GTSE1: variants seen among roughly 807,000 people sequenced by gnomAD.
GTSE1 encodes the protein G2 and S-phase expressed 1.
GTSE1 carries 52 observed loss-of-function variants against 60.5 expected under a neutral mutation model. The observed-to-expected ratio is 0.86, with a 90% CI of 0.69 to 1.08. The LOEUF (loss-of-function observed/expected upper bound fraction) is 1.08. Among genes scored for constraint, GTSE1 ranks in the 50% least tolerant of loss-of-function variants. The pLI is 0.00. For synonymous variants in GTSE1, 368 were observed against 386.5 expected (o/e 0.95, Z 0.56); for missense variants, 937 against 961.8 (o/e 0.97, Z 0.34).
intron 6 of GTSE1, among the ~76,000 whole-genome samples, chr22:46,315,662 TC>T (rs2077774786): frequency 6.6e-6 from 1 of 152,244 alleles, no homozygotes; most frequent in African/African-American, 2.4e-5. Context: ...GCGTCTTTTT[TC>T]CTTGTTCCCT....
In GTSE1 at chr22:46,314,819, T is replaced by G. The variant is rs2077769330; in HGVS notation, c.1051+806T>G. ...TGAACGCGGGAGGCAGAGGTTACCA[T>G]GAGCCGAGATTGCATCACTGCACTC... On this transcript the variant is annotated intron_variant, in intron 6 of 11. Transcript: ENST00000454366. The surrounding 1 kb of genome is among the most constrained non-coding windows in gnomAD (Gnocchi z 7.1). 6.9e-6 allele frequency among the ~76,000 whole-genome samples: 1 copy of G among 145,764 alleles called. No homozygotes were observed. Among genetic ancestry groups the G allele is most frequent in the African/African-American group, 2.6e-5 (1 of 38,676 alleles).
rs1245767522 is a variant in GTSE1 at position 46,316,809 on chromosome 22, A to G, written c.1432+397A>G. 4.6e-5 allele frequency among the ~76,000 whole-genome samples: 7 copies of G among 151,966 alleles called. No homozygotes were observed. The East Asian group carries it at 5.8e-4, about 13-fold the overall frequency. ...AACGTTGGCCATTATTTCTTCAGCT[A>G]TCTTTTCCTCTTTCCACTTTATTTC... On this transcript the variant is annotated intron_variant, in intron 7 of 11. Transcript: ENST00000454366. This position sits in a 1 kb window ranked among gnomAD's most constrained non-coding sequence, Gnocchi z 5.0.
Position 46,308,947 on chromosome 22 carries a change from A to G in GTSE1, c.762+4A>G. 1 of 1,606,102 alleles carries G rather than the reference A, an allele frequency of 6.2e-7. No homozygotes were observed. The highest frequency in any genetic ancestry group is 8.5e-7 in the Non-Finnish European group (1 of 1,175,614). ...CATCCCTGGGGCTGCGGAGAAGGTA[A>G]ATGCCACAGCAGAGCGCCTGCCTGG... On this transcript the variant is annotated splice_donor_region_variant and intron_variant, in intron 4 of 11. Coordinates refer to ENST00000454366, the MANE Select transcript of GTSE1 (RefSeq NM_016426.7).
At position 46,330,431 on chromosome 22, in the gene GTSE1, T is replaced by C; in HGVS notation, c.*301T>C. 3.7e-6 allele frequency: 1 copy of C among 271,044 alleles called. No homozygotes were observed. Among genetic ancestry groups the C allele is most frequent in the Non-Finnish European group, 7.0e-6 (1 of 142,426 alleles). The allele number at this position is 271,044 out of a possible 1,614,324, so 16.8% of individuals were successfully genotyped here. ...CAAGGAGATGCAGGCTGCAGTGGGC[T>C]GTGATTGTGCCACTGCACTCCAGCC... On this transcript the variant is annotated 3_prime_UTR_variant, in exon 12 of 12. Coordinates refer to ENST00000454366, the MANE Select transcript of GTSE1 (RefSeq NM_016426.7). The surrounding 1 kb of genome is among the most constrained non-coding windows in gnomAD (Gnocchi z 6.0).
intron 2 of GTSE1, among the ~76,000 whole-genome samples, chr22:46,305,308 G>A (rs780950352): frequency 6.6e-6 from 1 of 152,018 alleles, no homozygotes; most frequent in Non-Finnish European, 1.5e-5. Context: ...AGTACATTTA[G>A]ACAATTTAAA....
rs1601912025 is a variant in GTSE1 at position 46,318,419 on chromosome 22, T to C, written c.1432+2007T>C. The stretch of plus-strand genomic sequence containing the variant: ...ATGCTTTGGGGGACAAGGGACATCA[T>C]GATAAGACAGACCTACTCTCACAGA... On this transcript the variant is annotated intron_variant, in intron 7 of 11. Coordinates refer to ENST00000454366, the MANE Select transcript of GTSE1 (RefSeq NM_016426.7). The surrounding 1 kb of genome is among the most constrained non-coding windows in gnomAD (Gnocchi z 4.8). Among the ~76,000 whole-genome samples the C allele has an allele frequency of 6.6e-6, 1 of 152,184 alleles. No homozygotes were observed. The highest frequency in any genetic ancestry group is 2.4e-5 in the African/African-American group (1 of 41,454).
chr22:46,307,879 C>T (rs6007818), intron 2 of GTSE1, among the ~76,000 whole-genome samples: 24,709 of 151,762 alleles, frequency 0.16, 2,932 homozygotes, highest in African/African-American at 0.33. Context: ...TGGGAGGCCA[C>T]GCCAGGAGGA....
intron 2 of GTSE1, among the ~76,000 whole-genome samples, chr22:46,307,315 G>A (rs1348492201): frequency 6.6e-6 from 1 of 152,174 alleles, no homozygotes; most frequent in Non-Finnish European, 1.5e-5. Flanking sequence ...ATGTTTTGTA[G>A]CTTGTAAGAG....
chr22:46,305,751 A>G (rs2077712023), intron 2 of GTSE1, among the ~76,000 whole-genome samples: 1 of 150,060 alleles, frequency 6.7e-6, no homozygotes, highest in Non-Finnish European at 1.5e-5. Context: ...TACTAAAAAT[A>G]CGAAAATTAG....
At chr22:46,298,111 C>T (rs1005540516) in intron 2 of GTSE1, among the ~76,000 whole-genome samples, 5 of 151,694 alleles carry the variant, frequency 3.3e-5, no homozygotes, top group African/African-American at 1.2e-4. Flanking sequence ...TACAGGCACC[C>T]GCTGCCACAC....
intron 8 of GTSE1, among the ~76,000 whole-genome samples, chr22:46,326,161 A>G (rs1171555151): frequency 1.3e-5 from 2 of 152,274 alleles, no homozygotes; most frequent in Non-Finnish European, 2.9e-5. Flanking sequence ...GTGTAATCAC[A>G]TTTGATCAAT....
intron 2 of GTSE1, among the ~76,000 whole-genome samples, chr22:46,301,626 T>A (rs1452569648): frequency 6.6e-6 from 1 of 151,912 alleles, no homozygotes; most frequent in Admixed American, 6.6e-5. Context: ...TAGCTGGGAT[T>A]ACAGGCACCT....
rs747784222 is a variant in GTSE1 at position 46,316,129 on chromosome 22, A to G, written c.1149A>G (p.Pro383=). The change falls in exon 7 of 12, where the codon CCA becomes CCG. Residue 383 remains proline (P), a synonymous_variant. Transcript: ENST00000454366. The surrounding 1 kb of genome is among the most constrained non-coding windows in gnomAD (Gnocchi z 5.0). The stretch of plus-strand genomic sequence containing the variant: ...GAATGGGACCCGCCATGCTGCGGCC[A>G]GCTCTGCCTGCAGGCCCTGTGGGGG... ...SGRMGPAMLR[P]ALPAGPVGAS... is the part of the protein sequence containing the mutation. The G allele has an allele frequency of 1.2e-6, 2 of 1,603,906 alleles. No individual in the cohort carries two copies. Among genetic ancestry groups the G allele is most frequent in the Non-Finnish European group, 1.7e-6 (2 of 1,172,830 alleles).
chr22:46,323,795 C>T (rs576384818), intron 8 of GTSE1, among the ~76,000 whole-genome samples: 1 of 152,302 alleles, frequency 6.6e-6, no homozygotes, highest in East Asian at 1.9e-4. Flanking sequence ...TCACGCCATT[C>T]TCCTGCCTCA....
chr22:46,316,122 TGC>T lies in GTSE1; in HGVS notation c.1144_1145del (p.Arg382AlafsTer22). The T allele has an allele frequency of 6.3e-7, 1 of 1,597,674 alleles. No homozygotes were observed. The highest frequency in any genetic ancestry group is 8.6e-7 in the Non-Finnish European group (1 of 1,168,922). The stretch of plus-strand genomic sequence containing the variant: ...TCAGGCAGAATGGGACCCGCCATGC[TGC>T]GGCCAGCTCTGCCTGCAGGCCCTGT... On this transcript the variant is annotated frameshift_variant, in exon 7 of 12. Transcript: ENST00000454366. LOFTEE classifies it high-confidence loss of function. The surrounding 1 kb of genome is among the most constrained non-coding windows in gnomAD (Gnocchi z 5.0).
Position 46,313,856 on chromosome 22 carries a change from T to G in GTSE1, c.928-34T>G. On this transcript the variant is annotated intron_variant, in intron 5 of 11. Coordinates refer to ENST00000454366, the MANE Select transcript of GTSE1 (RefSeq NM_016426.7). The surrounding 1 kb of genome is among the most constrained non-coding windows in gnomAD (Gnocchi z 4.4). ...CAAGTAATAGGTAAATAACGAGATC[T>G]TTGCTGATTCTGTTTTTTCACATTT... is the stretch of plus-strand genomic sequence containing the variant. 1 of 1,612,854 alleles carries G rather than the reference T, an allele frequency of 6.2e-7. No homozygotes were observed. Among genetic ancestry groups the G allele is most frequent in the South Asian group, 1.1e-5 (1 of 91,036 alleles).
In GTSE1 at chr22:46,307,107, T is replaced by C. The variant is rs575624108; in HGVS notation, c.80-1043T>C. Among the ~76,000 whole-genome samples the C allele has an allele frequency of 5.3e-5, 8 of 152,228 alleles. No individual in the cohort carries two copies. In the East Asian group the frequency reaches 1.2e-3, roughly 22 times the overall value. On this transcript the variant is annotated intron_variant, in intron 2 of 11. Coordinates refer to ENST00000454366, the MANE Select transcript of GTSE1 (RefSeq NM_016426.7). ...GCAGAGGGACCCACTAACCTGGAAC[T>C]TGTGATCTGTTTTAGAGGGACCTGG...
In GTSE1 at chr22:46,329,890, G is replaced by A. The variant is rs916901593; in HGVS notation, c.2137-157G>A. Among the ~76,000 whole-genome samples the A allele has an allele frequency of 6.6e-5, 10 of 152,236 alleles. No homozygotes were observed. Among genetic ancestry groups the A allele is most frequent in the African/African-American group, 2.4e-4 (10 of 41,462 alleles). On this transcript the variant is annotated intron_variant, in intron 11 of 11. Transcript: ENST00000454366. The surrounding 1 kb of genome is among the most constrained non-coding windows in gnomAD (Gnocchi z 6.4). ...TCCGTGTGTGTCCTGTCTCCTTCCA[G>A]CTTCTTAGACGTGGTGGCCCAGAGT...
rs1447041542 is a variant in GTSE1 at position 46,309,786 on chromosome 22, C to T, written c.762+843C>T. 6.6e-6 allele frequency among the ~76,000 whole-genome samples: 1 copy of T among 152,220 alleles called. No individual in the cohort carries two copies. The highest frequency in any genetic ancestry group is 1.5e-5 in the Non-Finnish European group (1 of 68,048). ...AAGGAGGTATGCCCGGCACTGCCAC[C>T]CCCAACAGCTGGGGCCTGCAAACTC... is the stretch of plus-strand genomic sequence containing the variant. On this transcript the variant is annotated intron_variant, in intron 4 of 11. Transcript: ENST00000454366. The surrounding 1 kb of genome is among the most constrained non-coding windows in gnomAD (Gnocchi z 6.2).
Sources: allele counts gnomAD v4.1 joint callset (sites outside exome capture counted in the v4.1 genomes callset), GRCh38; gene constraint gnomAD v4.1.1; non-coding constraint Gnocchi (gnomAD v3.1); transcripts MANE v1.5; gene names NCBI Gene and HGNC (gene_info 2026-07-23, HGNC 2026-07-21).